TYW1: variants seen among roughly 807,000 people sequenced by gnomAD.
TYW1 encodes the protein tRNA-yW synthesizing protein 1 homolog, also known as S-adenosyl-L-methionine-dependent tRNA 4-demethylwyosine synthase TYW1.
Under a neutral mutation model 96.2 loss-of-function variants are expected in TYW1, and 46 were observed. The observed-to-expected ratio is 0.48, with a 90% CI of 0.38 to 0.61. TYW1 has a LOEUF of 0.61. Among genes scored for constraint, TYW1 ranks in the 20% least tolerant of loss-of-function variants. The pLI is 0.00. For missense variants in TYW1, 684 were observed against 909.6 expected (o/e 0.75, Z 3.19); for synonymous variants, 274 against 323.0 (o/e 0.85, Z 1.63).
In TYW1 at chr7:66,998,924, T is replaced by A; in HGVS notation, c.243T>A (p.Ile81=). ...EKDIFVSGVK[I]FYGSQTGTAK... Reference sequence around the variant, plus strand: ...ACATCTTTGTGTCTGGAGTGAAGATTTTTTATGGTTCTCAGACTGGAACAG... The same window carrying A: ...ACATCTTTGTGTCTGGAGTGAAGATATTTTATGGTTCTCAGACTGGAACAG... The change falls in exon 3 of 16, where the codon ATT becomes ATA. Residue 81 remains isoleucine, a synonymous_variant. Transcript: ENST00000359626. 6.2e-7 allele frequency: 1 copy of A among 1,614,140 alleles called. No homozygotes were observed. Among genetic ancestry groups the A allele is most frequent in the South Asian group, 1.1e-5 (1 of 91,084 alleles).
intron 10 of TYW1, among the ~76,000 whole-genome samples, chr7:67,076,578 C>T (rs555020333): frequency 0.011 from 1,708 of 150,888 alleles, 12 homozygotes; most frequent in Non-Finnish European, 0.015. Flanking sequence ...CAGGTTCAAG[C>T]GATTCTTGTC....
chr7:67,087,925 A>G (rs1485018687), intron 11 of TYW1, among the ~76,000 whole-genome samples: 3 of 152,046 alleles, frequency 2.0e-5, no homozygotes, highest in African/African-American at 4.8e-5. Flanking sequence ...GTGCAGTGGC[A>G]TGATCTTGGC....
At chr7:67,227,269 T>A (rs181196518) in intron 15 of TYW1, among the ~76,000 whole-genome samples, 40 of 152,232 alleles carry the variant, frequency 2.6e-4, no homozygotes, top group Non-Finnish European at 3.8e-4. Flanking sequence ...TATTATTATT[T>A]TTTTGAGATG....
chr7:67,219,443 A>G (rs1801309518), intron 15 of TYW1, among the ~76,000 whole-genome samples: 1 of 152,120 alleles, frequency 6.6e-6, no homozygotes, highest in Non-Finnish European at 1.5e-5. Flanking sequence ...TGTTTTGGAA[A>G]AGTTTGAGAA....
intron 13 of TYW1, among the ~76,000 whole-genome samples, chr7:67,167,595 A>G (rs1799380516): frequency 6.6e-6 from 1 of 151,924 alleles, no homozygotes; most frequent in South Asian, 2.1e-4. Context: ...AAGTCATTAA[A>G]ATGGGGATTT....
chr7:67,124,984 C>T (rs1797870295), intron 13 of TYW1, among the ~76,000 whole-genome samples: 1 of 152,118 alleles, frequency 6.6e-6, no homozygotes, highest in South Asian at 2.1e-4. Flanking sequence ...TAGGCATGCA[C>T]CACCATGCCC....
chr7:67,037,151 G>A (rs1054252119), intron 7 of TYW1, among the ~76,000 whole-genome samples: 4 of 152,044 alleles, frequency 2.6e-5, no homozygotes, highest in African/African-American at 9.7e-5. Context: ...CTAGGGGTCC[G>A]CCATGAGACA....
chr7:67,085,343 T>C (rs1437480516), intron 11 of TYW1, among the ~76,000 whole-genome samples: 1 of 152,166 alleles, frequency 6.6e-6, no homozygotes, highest in East Asian at 1.9e-4. Flanking sequence ...TCCCCCATGG[T>C]GTTCTCATGA....
At chr7:67,037,900 A>G (rs1794891734) in intron 7 of TYW1, among the ~76,000 whole-genome samples, 1 of 152,190 alleles carries the variant, frequency 6.6e-6, no homozygotes, top group Non-Finnish European at 1.5e-5. Flanking sequence ...TTGTTTTAGC[A>G]TTTTGTTACT....
intron 13 of TYW1, among the ~76,000 whole-genome samples, chr7:67,137,785 C>T (rs570450544): frequency 2.0e-4 from 30 of 152,066 alleles, no homozygotes; most frequent in Non-Finnish European, 3.8e-4. Context: ...TCTATGAAGA[C>T]GCCCTGCATC....
intron 14 of TYW1, among the ~76,000 whole-genome samples, chr7:67,186,624 T>C (rs113144414): frequency 0.27 from 40,227 of 148,920 alleles, 3,662 homozygotes; most frequent in African/African-American, 0.39. Flanking sequence ...AGTAGCTGGA[T>C]GACAGACGCA....
At position 67,117,473 on chromosome 7, in the gene TYW1, T is replaced by A. The variant is rs35171532; in HGVS notation, c.1563-10T>A. Reference sequence around the variant, plus strand: ...TTTTTCTTTCTTCTTTTAAAAAAAATATTACTAAGGAACCTCGAGCCGGTT... The same window carrying A: ...TTTTTCTTTCTTCTTTTAAAAAAAAAATTACTAAGGAACCTCGAGCCGGTT... On this transcript the variant is annotated splice_polypyrimidine_tract_variant and intron_variant, in intron 12 of 15. Coordinates refer to ENST00000359626, the MANE Select transcript of TYW1 (RefSeq NM_018264.4). The A allele has an allele frequency of 0.23, 360,411 of 1,582,338 alleles. 43,089 individuals carry two copies. The highest frequency in any genetic ancestry group is 0.44 in the African/African-American group (31,465 of 72,306).
At chr7:67,035,967 G>A (rs936843851) in intron 7 of TYW1, among the ~76,000 whole-genome samples, 1 of 150,540 alleles carries the variant, frequency 6.6e-6, no homozygotes, top group Non-Finnish European at 1.5e-5. Flanking sequence ...GTGAGCCACT[G>A]TGCCCGGCCG....
At chr7:67,150,745 T>G (rs1712779505) in intron 13 of TYW1, among the ~76,000 whole-genome samples, 1 of 151,920 alleles carries the variant, frequency 6.6e-6, no homozygotes, top group Non-Finnish European at 1.5e-5. Flanking sequence ...AAATTTGTTT[T>G]GTCCTGTGTT....
At chr7:67,089,284 C>T (rs1796641528) in intron 11 of TYW1, 2 of 1,381,014 alleles carry the variant, frequency 1.4e-6, no homozygotes, top group East Asian at 2.4e-5. Context: ...AACCAGGCTC[C>T]TTGTCCCCTC....
At chr7:67,208,286 A>G (rs940899988) in intron 15 of TYW1, among the ~76,000 whole-genome samples, 11 of 152,056 alleles carry the variant, frequency 7.2e-5, no homozygotes, top group Non-Finnish European at 1.5e-5. Context: ...GTGCCACCGC[A>G]CCCCAGCCTG....
chr7:67,058,101 AT>A (rs1795581540), intron 9 of TYW1, among the ~76,000 whole-genome samples: 1 of 151,888 alleles, frequency 6.6e-6, no homozygotes, highest in Non-Finnish European at 1.5e-5. Flanking sequence ...TGCCCGGCTA[AT>A]TTTTTGTATT....
At chr7:67,070,206 G>A (rs1373391987) in intron 10 of TYW1, among the ~76,000 whole-genome samples, 1 of 152,044 alleles carries the variant, frequency 6.6e-6, no homozygotes, top group African/African-American at 2.4e-5. Context: ...ACATATCTTG[G>A]TATGGATCTC....
chr7:67,098,742 G>C (rs746390155), intron 12 of TYW1, 24 bp downstream of exon 12: 3 of 1,565,524 alleles, frequency 1.9e-6, no homozygotes, highest in Non-Finnish European at 1.7e-6. Context: ...CCTATGGAGA[G>C]ATGCTGCTTG....
Sources: gnomAD v4.1 joint callset for allele counts (sites outside exome capture counted in the v4.1 genomes callset) on GRCh38, gnomAD v4.1.1 for gene constraint, MANE v1.5 for transcripts, NCBI Gene and HGNC (gene_info 2026-07-23, HGNC 2026-07-21) for gene names.